NIBAN1: variants seen among roughly 807,000 people sequenced by gnomAD.
NIBAN1 encodes protein Niban 1.
In NIBAN1, 81 loss-of-function variants were observed where a neutral mutation model predicts 75.1. The observed-to-expected ratio is 1.08, with a 90% CI of 0.90 to 1.30. NIBAN1 has a LOEUF of 1.30. Among genes scored for constraint, NIBAN1 ranks in the 50% most tolerant of loss-of-function variants. NIBAN1 has a pLI of 0.00. For synonymous variants in NIBAN1, 436 were observed against 424.8 expected (o/e 1.03, Z -0.32); for missense variants, 1,133 against 1,128.1 (o/e 1.00, Z -0.06).
rs1653702404 is a variant in NIBAN1, at chr1:184,791,767, T to C, written c.*3210A>G. The C allele has an allele frequency of 1.3e-5, 2 of 152,134 alleles. No individual in the cohort carries two copies. The highest frequency in any genetic ancestry group is 4.8e-5 in the African/African-American group (2 of 41,428). The allele number at this position is 152,134 out of a possible 1,614,324, so 9.4% of individuals were successfully genotyped here. A position where few individuals can be genotyped will look rare whatever the true frequency, so the allele number is the denominator to read the frequency against. On this transcript the variant is annotated 3_prime_UTR_variant, in exon 14 of 14. Coordinates refer to ENST00000367511, the MANE Select transcript of NIBAN1 (RefSeq NM_052966.4). ...AGGAAAAAAATGCTGTTCATTTAGA[T>C]CAGAATAACCTCGCTCCAATCTGGA...
Position 184,795,607 on chromosome 1 carries a change from G to A in NIBAN1, c.2157C>T (p.Ser719=), listed in dbSNP as rs762946240. The change falls in exon 14 of 14, where the codon TCC becomes TCT. Residue 719 remains serine (S), a synonymous_variant. Transcript: ENST00000367511. ...GAGCAGAGTCCACTGGTACTTCCAC[G>A]GACGCTGTCAGCAACTTTCTGAGCG... ...LKALRKLLTA[S]VEVPVDSAPV... is the part of the protein sequence containing the mutation. 2.1e-5 allele frequency: 34 copies of A among 1,613,972 alleles called. No individual in the cohort carries two copies. The highest frequency in any genetic ancestry group is 1.6e-4 in the Middle Eastern group (1 of 6,084).
chr1:184,903,430 A>G (rs979300877), intron 1 of NIBAN1, among the ~76,000 whole-genome samples: 10 of 152,104 alleles, frequency 6.6e-5, no homozygotes, highest in Admixed American at 2.6e-4. Context: ...GTAATCCCCA[A>G]TGTTGGAGGT....
chr1:184,806,971 T>A (rs112318276), intron 10 of NIBAN1, among the ~76,000 whole-genome samples: 12,107 of 152,146 alleles, frequency 0.08, 588 homozygotes, highest in African/African-American at 0.13. Flanking sequence ...GGTTTCACCA[T>A]GTTGGCCAGG....
intron 1 of NIBAN1, among the ~76,000 whole-genome samples, chr1:184,930,060 G>T (rs1657781385): frequency 6.6e-6 from 1 of 152,164 alleles, no homozygotes; most frequent in South Asian, 2.1e-4. Flanking sequence ...ATGCTCCAAT[G>T]ACCTCAGCTG....
chr1:184,854,770 G>A (rs1655630745), intron 5 of NIBAN1, among the ~76,000 whole-genome samples: 1 of 152,186 alleles, frequency 6.6e-6, no homozygotes, highest in East Asian at 1.9e-4. Flanking sequence ...TAAAATGCTT[G>A]ATGGATTTAG....
rs765747199 is a variant in NIBAN1, at chr1:184,884,626, G to A, written c.601+7C>T. The A allele has an allele frequency of 2.5e-5, 40 of 1,613,714 alleles. No homozygotes were observed. Among genetic ancestry groups the A allele is most frequent in the South Asian group, 5.5e-5 (5 of 91,066 alleles). On this transcript the variant is annotated splice_region_variant and intron_variant, in intron 5 of 13. Transcript: ENST00000367511. The stretch of plus-strand genomic sequence containing the variant: ...GCCCCGGGGATGAGAGGGGAGCCGC[G>A]CCATACCATGATTGAGATGCCTGAC...
chr1:184,949,327 C>T (rs1658304248), intron 1 of NIBAN1, among the ~76,000 whole-genome samples: 1 of 152,184 alleles, frequency 6.6e-6, no homozygotes, highest in Admixed American at 6.5e-5. Context: ...CACTGCACTA[C>T]AGCCTGGGCG....
chr1:184,881,796 G>T (rs983054523), intron 5 of NIBAN1, among the ~76,000 whole-genome samples: 1 of 152,180 alleles, frequency 6.6e-6, no homozygotes, highest in African/African-American at 2.4e-5. Context: ...TAGCAGTGAG[G>T]ATGACCAGAG....
chr1:184,794,913 C>T lies in NIBAN1; in HGVS notation c.*64G>A, dbSNP rs1207135057. 6.3e-7 allele frequency: 1 copy of T among 1,597,964 alleles called. No homozygotes were observed. Among genetic ancestry groups the T allele is most frequent in the Non-Finnish European group, 8.5e-7 (1 of 1,177,812 alleles). On this transcript the variant is annotated 3_prime_UTR_variant, in exon 14 of 14. Transcript: ENST00000367511. ...TTTTGGTAACAGCTTGCATGCAACCCCTAAGTGTACCCCTATAACCCTTTG... is the reference window on the plus strand; with the variant it reads ...TTTTGGTAACAGCTTGCATGCAACCTCTAAGTGTACCCCTATAACCCTTTG...
At chr1:184,852,840 A>T (rs1172917329) in intron 5 of NIBAN1, among the ~76,000 whole-genome samples, 1 of 152,094 alleles carries the variant, frequency 6.6e-6, no homozygotes, top group Admixed American at 6.6e-5. Context: ...AAAGGCATCA[A>T]TGTGGCTACT....
intron 1 of NIBAN1, among the ~76,000 whole-genome samples, chr1:184,951,634 A>G (rs1658360625): frequency 6.6e-6 from 1 of 151,886 alleles, no homozygotes; most frequent in Non-Finnish European, 1.5e-5. Flanking sequence ...AGTCCACACC[A>G]CCATAATCCC....
At chr1:184,842,740 G>A (rs934759348) in intron 5 of NIBAN1, among the ~76,000 whole-genome samples, 4 of 150,618 alleles carry the variant, frequency 2.7e-5, no homozygotes, top group African/African-American at 9.8e-5. Context: ...TTGCAGCCTG[G>A]GCGACAAAAG....
At chr1:184,830,228 G>T (rs1453246176) in intron 6 of NIBAN1, among the ~76,000 whole-genome samples, 1 of 152,210 alleles carries the variant, frequency 6.6e-6, no homozygotes, top group African/African-American at 2.4e-5. Flanking sequence ...TTCGAACATT[G>T]TCAAGTATCA....
intron 1 of NIBAN1, among the ~76,000 whole-genome samples, chr1:184,971,395 G>T (rs1658932368): frequency 6.6e-6 from 1 of 151,928 alleles, no homozygotes; most frequent in Admixed American, 6.6e-5. Context: ...AGATTGGCTG[G>T]GCACGGTATC....
chr1:184,884,884 A>C (rs1302473499), intron 4 of NIBAN1, 84 bp from the exon 5 acceptor site: 3 of 1,490,576 alleles, frequency 2.0e-6, no homozygotes, highest in Non-Finnish European at 2.7e-6. Context: ...GAGGGTGACT[A>C]TCTGGGGCAG....
At chr1:184,919,591 T>TA (rs1238111789) in intron 1 of NIBAN1, among the ~76,000 whole-genome samples, 2 of 152,184 alleles carry the variant, frequency 1.3e-5, no homozygotes, top group East Asian at 1.9e-4. Context: ...GAAATAATTT[T>TA]AAAAAAAGAG....
rs773849976 is a variant in NIBAN1, at chr1:184,823,289, G to C, written c.863C>G (p.Ser288Ter). The C allele has an allele frequency of 6.2e-7, 1 of 1,614,136 alleles. No individual in the cohort carries two copies. Among genetic ancestry groups the C allele is most frequent in the African/African-American group, 1.3e-5 (1 of 75,010 alleles). Residue 288 changes from serine (S) to a stop codon, truncating the protein, a stop_gained, in exon 8 of 14, where the codon TCA becomes TGA. Transcript: ENST00000367511. LOFTEE classifies it high-confidence loss of function. ...EAYTLVQHQV[S>*]EGLSALKEEC... ...CTCCTTCAAGGCACTTAATCCTTCT[G>C]AAACTTGATGCTGAACCAGGGTGTA...
intron 11 of NIBAN1, among the ~76,000 whole-genome samples, chr1:184,804,989 C>T (rs560598060): frequency 6.6e-6 from 1 of 152,198 alleles, no homozygotes; most frequent in South Asian, 2.1e-4. Context: ...GGGGTTTCAC[C>T]GTGTTAGCCA....
intron 9 of NIBAN1, among the ~76,000 whole-genome samples, chr1:184,816,781 A>C (rs1266355055): frequency 6.6e-6 from 1 of 151,602 alleles, no homozygotes; most frequent in Non-Finnish European, 1.5e-5. Flanking sequence ...ATATAAGTAC[A>C]TTTACAATAG....
Sources: gnomAD v4.1 joint callset for allele counts (sites outside exome capture counted in the v4.1 genomes callset) on GRCh38, gnomAD v4.1.1 for gene constraint, MANE v1.5 for transcripts, NCBI Gene and HGNC (gene_info 2026-07-23, HGNC 2026-07-21) for gene names.